Variants in GYPE observed in about 807,000 individuals in gnomAD.
GYPE encodes glycophorin-E.
A neutral mutation model predicts 11.6 loss-of-function variants in GYPE; 8 were observed. The ratio of observed to expected loss-of-function variants is 0.69; its 90% CI spans 0.41 to 1.25. The LOEUF (loss-of-function observed/expected upper bound fraction) is 1.25, where lower values mean the gene tolerates loss of function less well. Among genes scored for constraint, GYPE ranks in the 50% most tolerant of loss-of-function variants. The pLI, the probability that GYPE is intolerant of heterozygous loss-of-function variation, is 0.01. For missense variants in GYPE, 90 were observed against 92.8 expected (o/e 0.97, Z 0.12); for synonymous variants, 28 against 29.6 (o/e 0.94, Z 0.18).
chr4:143,900,931 T>C (rs1471398995), intron 1 of GYPE, among the ~76,000 whole-genome samples: 1 of 152,140 alleles, frequency 6.6e-6, no homozygotes, highest in Non-Finnish European at 1.5e-5. Context: ...TTTGAATGCA[T>C]TAAATGCTAC....
At position 143,904,560 on chromosome 4, in the gene GYPE, T is replaced by G. The variant is rs1426187496; in HGVS notation, c.37+911A>C. 3.3e-5 allele frequency among the ~76,000 whole-genome samples: 5 copies of G among 152,190 alleles called. No individual in the cohort carries two copies. In the East Asian group the frequency reaches 9.6e-4, roughly 29 times the overall value. On this transcript the variant is annotated intron_variant, in intron 1 of 3. Transcript: ENST00000358615. ...TCCCCTAGGGTATCTTAGAAAATGC[T>G]GATCTCTCTTCCCTGTATGCTACAG...
chr4:143,889,654 G>A (rs2590011), intron 1 of GYPE, among the ~76,000 whole-genome samples: 1 of 152,162 alleles, frequency 6.6e-6, no homozygotes, highest in African/African-American at 2.4e-5. Context: ...GGTGCGCACC[G>A]CCATGCCTGG....
chr4:143,882,541 T>C (rs1271975474), intron 1 of GYPE, among the ~76,000 whole-genome samples: 1 of 151,988 alleles, frequency 6.6e-6, no homozygotes, highest in Admixed American at 6.6e-5. Context: ...GCTAATAAAA[T>C]AACAAGCCAA....
intron 1 of GYPE, among the ~76,000 whole-genome samples, chr4:143,889,259 T>C (rs566168290): frequency 6.6e-6 from 1 of 152,162 alleles, no homozygotes; most frequent in Admixed American, 6.5e-5. Context: ...TCATCCACAC[T>C]GTCCCAAACC....
intron 1 of GYPE, among the ~76,000 whole-genome samples, chr4:143,889,435 G>C (rs574597990): frequency 6.6e-6 from 1 of 152,170 alleles, no homozygotes; most frequent in East Asian, 1.9e-4. Flanking sequence ...AAATGGTTGG[G>C]GGATCTGTGA....
chr4:143,894,682 C>T (rs1744557733), intron 1 of GYPE, among the ~76,000 whole-genome samples: 1 of 152,070 alleles, frequency 6.6e-6, no homozygotes. Context: ...GGTACCAGAG[C>T]CGGGCAGAGA....
At chr4:143,881,128 G>T (rs1744006746) in intron 1 of GYPE, among the ~76,000 whole-genome samples, 1 of 151,546 alleles carries the variant, frequency 6.6e-6, no homozygotes, top group Non-Finnish European at 1.5e-5. Flanking sequence ...GGCAGAGCTT[G>T]CAGTGAGCTG....
At chr4:143,888,145 A>T (rs1440906526) in intron 1 of GYPE, among the ~76,000 whole-genome samples, 4 of 95,324 alleles carry the variant, frequency 4.2e-5, no homozygotes, top group Non-Finnish European at 6.3e-5. Context: ...AACGACTGGA[A>T]ATAGCCAGCC....
At chr4:143,899,039 C>T (rs1744767382) in intron 1 of GYPE, among the ~76,000 whole-genome samples, 1 of 143,418 alleles carries the variant, frequency 7.0e-6, no homozygotes. Flanking sequence ...AAAAGGAGGC[C>T]TCCAGAATTT....
chr4:143,881,530 T>C (rs995260885), intron 1 of GYPE, among the ~76,000 whole-genome samples: 9 of 152,124 alleles, frequency 5.9e-5, no homozygotes, highest in Non-Finnish European at 1.2e-4. Flanking sequence ...TATCTAAATA[T>C]GGGATCATGG....
chr4:143,898,922 C>T (rs1265307008), intron 1 of GYPE, among the ~76,000 whole-genome samples: 1 of 149,734 alleles, frequency 6.7e-6, no homozygotes, highest in African/African-American at 2.5e-5. Flanking sequence ...TCTCTATTCT[C>T]AGTTGCCTCA....
chr4:143,873,832 G>A (rs71612437), intron 3 of GYPE, among the ~76,000 whole-genome samples: 36,985 of 151,740 alleles, frequency 0.24, 4,628 homozygotes, highest in East Asian at 0.36. Context: ...CCACTCAAAA[G>A]ATCTCCAGTT....
At chr4:143,889,241 G>A (rs1205222229) in intron 1 of GYPE, among the ~76,000 whole-genome samples, 4 of 152,018 alleles carry the variant, frequency 2.6e-5, no homozygotes, top group Admixed American at 2.6e-4. Flanking sequence ...GTACTATCCA[G>A]CTTCTGGTCA....
chr4:143,875,641 C>A (rs1310189094), intron 3 of GYPE: 95 of 1,411,858 alleles, frequency 6.7e-5, no homozygotes, highest in Middle Eastern at 2.3e-4. Flanking sequence ...TAAAGGGTAC[C>A]TAGGGGTGTT....
At chr4:143,894,159 A>G (rs1175532208) in intron 1 of GYPE, among the ~76,000 whole-genome samples, 3 of 151,926 alleles carry the variant, frequency 2.0e-5, no homozygotes, top group South Asian at 4.2e-4. Context: ...TTTCAACTCC[A>G]TCAGCTCCTT....
At chr4:143,872,318 T>C (rs879393780) in intron 3 of GYPE, 66 bp from the exon 4 acceptor site, 5 of 152,572 alleles carry the variant, frequency 3.3e-5, no homozygotes, top group Admixed American at 6.6e-5. Context: ...GAAATTTTAA[T>C]AACAAAAACA....
At chr4:143,882,222 CA>C (rs1744046152) in intron 1 of GYPE, among the ~76,000 whole-genome samples, 1 of 151,950 alleles carries the variant, frequency 6.6e-6, no homozygotes, top group South Asian at 2.1e-4. Flanking sequence ...AGTTGTTCAG[CA>C]TTCAGGTATA....
At chr4:143,884,245 A>G (rs551416797) in intron 1 of GYPE, among the ~76,000 whole-genome samples, 1 of 51,844 alleles carries the variant, frequency 1.9e-5, no homozygotes, top group African/African-American at 4.8e-5. Flanking sequence ...TGGCTTTTCA[A>G]GTCTCAGTTC....
intron 2 of GYPE, among the ~76,000 whole-genome samples, chr4:143,879,312 C>A (rs1032522252): frequency 6.6e-6 from 1 of 152,172 alleles, no homozygotes; most frequent in Admixed American, 6.5e-5. Flanking sequence ...ACTACCAAAG[C>A]CACACAATTT....
Sources: gnomAD v4.1 joint callset for allele counts (sites outside exome capture counted in the v4.1 genomes callset) on GRCh38, gnomAD v4.1.1 for gene constraint, MANE v1.5 for transcripts, NCBI Gene and HGNC (gene_info 2026-07-23, HGNC 2026-07-21) for gene names.